CSPG5: variants seen among roughly 807,000 people sequenced by gnomAD.
CSPG5 encodes chondroitin sulfate proteoglycan 5, also known as acidic leucine-rich EGF-like domain-containing brain protein.
In CSPG5, 25 loss-of-function variants were observed where a neutral mutation model predicts 39.8. The ratio of observed to expected loss-of-function variants is 0.63; its 90% CI spans 0.46 to 0.88. The LOEUF (loss-of-function observed/expected upper bound fraction) is 0.88, where lower values mean the gene tolerates loss of function less well. Ranked by LOEUF, CSPG5 falls within the 40% of genes least tolerant of loss-of-function variation. The pLI, the probability that CSPG5 is intolerant of heterozygous loss-of-function variation, is 0.00. For missense variants in CSPG5, 627 were observed against 702.2 expected (o/e 0.89, Z 1.21); for synonymous variants, 295 against 303.9 (o/e 0.97, Z 0.31).
chr3:47,577,847 C>A lies in CSPG5; in HGVS notation c.179G>T (p.Arg60Leu). ...PAWEPPANDT[R>L]EEAGPPAAGE... ...AGCCGCTGGTGGGCCGGCTTCTTCC[C>A]GCGTGTCGTTGGCAGGCGGCTCCCA... The change falls in exon 2 of 5, where the codon CGG (arginine) becomes CTG (leucine). Residue 60 changes from arginine (R) to leucine (L), a missense_variant. Physicochemically the swap from Arg to Leu is moderately radical, Grantham distance 102. Transcript: ENST00000264723. This position sits in a 1 kb window ranked among gnomAD's most constrained non-coding sequence, Gnocchi z 4.7. 1 of 1,548,582 alleles carries A rather than the reference C, an allele frequency of 6.5e-7. No homozygotes were observed. Among genetic ancestry groups the A allele is most frequent in the South Asian group, 1.2e-5 (1 of 84,312 alleles).
In CSPG5 at chr3:47,577,975, G is replaced by A. The variant is rs548931319; in HGVS notation, c.98-47C>T. 20 of 1,370,598 alleles carry A rather than the reference G, an allele frequency of 1.5e-5. No individual in the cohort carries two copies. The highest frequency in any genetic ancestry group is 3.0e-5 in the East Asian group (1 of 33,742). The allele number at this position is 1,370,598 out of a possible 1,614,324, so 84.9% of individuals were successfully genotyped here. A position where few individuals can be genotyped will look rare whatever the true frequency, so the allele number is the denominator to read the frequency against. ...GCGGGACGTCAGGGCGGCGCGCTGA[G>A]GAGCCCTGGAGCCCCGGCCCGCCCC... On this transcript the variant is annotated intron_variant, in intron 1 of 4. Coordinates refer to ENST00000264723, the MANE Select transcript of CSPG5 (RefSeq NM_006574.4). This position sits in a 1 kb window ranked among gnomAD's most constrained non-coding sequence, Gnocchi z 4.7.
intron 3 of CSPG5, among the ~76,000 whole-genome samples, chr3:47,571,900 G>A (rs1288998541): frequency 6.6e-6 from 1 of 152,216 alleles, no homozygotes; most frequent in Non-Finnish European, 1.5e-5. Context: ...AGTAATAGGA[G>A]TAATTTTCTC....
At chr3:47,570,886 C>T (rs1038777796) in intron 3 of CSPG5, among the ~76,000 whole-genome samples, 1 of 152,112 alleles carries the variant, frequency 6.6e-6, no homozygotes, top group Non-Finnish European at 1.5e-5. Context: ...ACAATATGAA[C>T]AGCTAGGAAC....
chr3:47,565,783 A>G (rs1199876210), intron 4 of CSPG5, among the ~76,000 whole-genome samples: 1 of 152,052 alleles, frequency 6.6e-6, no homozygotes, highest in Non-Finnish European at 1.5e-5. Flanking sequence ...AGTTACCCCC[A>G]TGGTCTCGAC....
chr3:47,562,555 C>G lies in CSPG5; in HGVS notation c.*45G>C. 3 of 1,541,748 alleles carry G rather than the reference C, an allele frequency of 1.9e-6. No individual in the cohort carries two copies. Among genetic ancestry groups the G allele is most frequent in the Non-Finnish European group, 1.8e-6 (2 of 1,122,568 alleles). On this transcript the variant is annotated 3_prime_UTR_variant, in exon 5 of 5. Transcript: ENST00000264723. ...ACAAGAGGAGATAATGTTTCTTCCC[C>G]TACCCCCCACCCACTACCCCCGCTT...
intron 2 of CSPG5, among the ~76,000 whole-genome samples, chr3:47,574,425 A>G (rs946730827): frequency 6.6e-6 from 1 of 152,234 alleles, no homozygotes; most frequent in Admixed American, 6.5e-5. Context: ...TCATCACTAT[A>G]GTCCCCCAAA....
intron 3 of CSPG5, among the ~76,000 whole-genome samples, chr3:47,571,907 T>C (rs1002168430): frequency 6.6e-6 from 1 of 152,158 alleles, no homozygotes; most frequent in African/African-American, 2.4e-5. Context: ...GGAGTAATTT[T>C]CTCATAGCGT....
rs922413792 is a variant in CSPG5 at position 47,577,101 on chromosome 3, G to A, written c.925C>T (p.Leu309=). ...GTGGGCTGGCCTGTCCCGGGCCCCA[G>A]ACCAGGCTTCCCAGTGGGCACTAGA... The part of the protein sequence containing the change: ...ELLVPTGKPG[L]GPGTGQPTSR... Residue 309 remains leucine, a synonymous_variant, in exon 2 of 5, where the codon CTG becomes TTG. Coordinates refer to ENST00000264723, the MANE Select transcript of CSPG5 (RefSeq NM_006574.4). This position sits in a 1 kb window ranked among gnomAD's most constrained non-coding sequence, Gnocchi z 4.7. 22 of 1,613,778 alleles carry A rather than the reference G, an allele frequency of 1.4e-5. No homozygotes were observed. The highest frequency in any genetic ancestry group is 1.8e-5 in the Non-Finnish European group (21 of 1,180,050).
chr3:47,578,472 C>T lies in CSPG5; in HGVS notation c.97+125G>A. The T allele has an allele frequency of 3.7e-6, 1 of 267,556 alleles. No homozygotes were observed. The highest frequency in any genetic ancestry group is 1.5e-4 in the South Asian group (1 of 6,744). 16.6% of individuals were successfully genotyped at this position (267,556 alleles called of 1,614,324 possible). On this transcript the variant is annotated intron_variant, in intron 1 of 4. Coordinates refer to ENST00000264723, the MANE Select transcript of CSPG5 (RefSeq NM_006574.4). The surrounding 1 kb of genome is among the most constrained non-coding windows in gnomAD (Gnocchi z 6.0). Reference sequence around the variant, plus strand: ...TCCTGGGACCATTCCGCCGCCCGGCCGCGGCCAGGCGGTGCCCCGCCCCCT... The same window carrying T: ...TCCTGGGACCATTCCGCCGCCCGGCTGCGGCCAGGCGGTGCCCCGCCCCCT...
At position 47,577,622 on chromosome 3, in the gene CSPG5, C is replaced by T. The variant is rs749259513; in HGVS notation, c.404G>A (p.Gly135Glu). 6.2e-7 allele frequency: 1 copy of T among 1,610,800 alleles called. No homozygotes were observed. The highest frequency in any genetic ancestry group is 1.1e-5 in the South Asian group (1 of 90,942). The change falls in exon 2 of 5, where the codon GGG becomes GAG. Residue 135 changes from glycine to glutamate, a missense_variant. Physicochemically the swap from Gly to Glu is moderately conservative, Grantham distance 98. Coordinates refer to ENST00000264723, the MANE Select transcript of CSPG5 (RefSeq NM_006574.4). The surrounding 1 kb of genome is among the most constrained non-coding windows in gnomAD (Gnocchi z 4.7). ...AATGGCAGGGGGCATGATTGACTGC[C>T]CGAGGACCTCGTGGGGAGCCTGGAG... ...ATLQAPHEVLGQSIMPPAIPE... is the reference protein window; with the variant it reads ...ATLQAPHEVLEQSIMPPAIPE...
At position 47,578,579 on chromosome 3, in the gene CSPG5, G is replaced by C. The variant is rs749405651; in HGVS notation, c.97+18C>G. On this transcript the variant is annotated intron_variant, in intron 1 of 4. Transcript: ENST00000264723. This position sits in a 1 kb window ranked among gnomAD's most constrained non-coding sequence, Gnocchi z 6.0. Reference sequence around the variant, plus strand: ...GGGGCACGAGGGCCGCGGGGGTCCCGGGCGCAGTCATACCTACCCGGCACG... The same window carrying C: ...GGGGCACGAGGGCCGCGGGGGTCCCCGGCGCAGTCATACCTACCCGGCACG... 3 of 1,038,978 alleles carry C rather than the reference G, an allele frequency of 2.9e-6. No homozygotes were observed. Among genetic ancestry groups the C allele is most frequent in the East Asian group, 4.0e-5 (1 of 25,290 alleles). The allele number at this position is 1,038,978 out of a possible 1,614,324, so 64.4% of individuals were successfully genotyped here. A position where few individuals can be genotyped will look rare whatever the true frequency, so the allele number is the denominator to read the frequency against.
intron 4 of CSPG5, among the ~76,000 whole-genome samples, chr3:47,563,304 G>A (rs2031161412): frequency 1.3e-5 from 2 of 152,170 alleles, no homozygotes; most frequent in Admixed American, 6.5e-5. Flanking sequence ...GGTCAAAGAT[G>A]TGTCAGCCTC....
chr3:47,564,485 C>T (rs1004980666), intron 4 of CSPG5, among the ~76,000 whole-genome samples: 1 of 152,146 alleles, frequency 6.6e-6, no homozygotes, highest in Non-Finnish European at 1.5e-5. Context: ...AGACTTCACA[C>T]ATGATTTATA....
chr3:47,563,184 G>A (rs1428834906), intron 4 of CSPG5, among the ~76,000 whole-genome samples: 1 of 152,162 alleles, frequency 6.6e-6, no homozygotes, highest in Non-Finnish European at 1.5e-5. Flanking sequence ...CAGGGAACAT[G>A]TCTCATCAGT....
In CSPG5 at chr3:47,572,866, G is replaced by A. The variant is rs371926119; in HGVS notation, c.1202C>T (p.Thr401Met). The stretch of plus-strand genomic sequence containing the variant: ...CCCCTTGTGCCAGATGTAGTCCTGC[G>A]TGTTGCACCTGCAGCAGCGACATTG... ...ENIGAFCRCN[T>M]QDYIWHKGMR... The change falls in exon 3 of 5, where the codon ACG becomes ATG. Residue 401 changes from threonine (T) to methionine (M), a missense_variant. Coordinates refer to ENST00000264723, the MANE Select transcript of CSPG5 (RefSeq NM_006574.4). This position sits in a 1 kb window ranked among gnomAD's most constrained non-coding sequence, Gnocchi z 4.5. 26 of 1,604,744 alleles carry A rather than the reference G, an allele frequency of 1.6e-5. 1 individual carries two copies. The highest frequency in any genetic ancestry group is 2.7e-5 in the African/African-American group (2 of 74,672).
At chr3:47,568,386 T>C (rs1306829588) in intron 4 of CSPG5, among the ~76,000 whole-genome samples, 1 of 152,156 alleles carries the variant, frequency 6.6e-6, no homozygotes, top group African/African-American at 2.4e-5. Context: ...TAGAAAATGG[T>C]CTATTAGGAT....
In CSPG5 at chr3:47,572,899, G is replaced by A. The variant is rs763180760; in HGVS notation, c.1194-25C>T. 1.6e-5 allele frequency: 26 copies of A among 1,595,926 alleles called. No individual in the cohort carries two copies. Among genetic ancestry groups the A allele is most frequent in the African/African-American group, 1.1e-4 (8 of 74,460 alleles). ...CCTGCAGCAGCGACATTGAGAAACC[G>A]TGGCGATGGAGCAGGCAGCCACGGC... On this transcript the variant is annotated intron_variant, in intron 2 of 4. Coordinates refer to ENST00000264723, the MANE Select transcript of CSPG5 (RefSeq NM_006574.4). This position sits in a 1 kb window ranked among gnomAD's most constrained non-coding sequence, Gnocchi z 4.5.
At chr3:47,569,304 G>A in intron 3 of CSPG5, 77 bp from the exon 4 acceptor site, 1 of 1,465,626 alleles carries the variant, frequency 6.8e-7, no homozygotes, top group Non-Finnish European at 9.5e-7. Flanking sequence ...TCAGCTTCTG[G>A]ATCAAATACT....
In CSPG5 at chr3:47,578,089, C is replaced by T. The variant is rs2031844098; in HGVS notation, c.98-161G>A. ...CAGTGTGACCCCAGCCACCCGGTAC[C>T]TCTAAGCCCCGTCCCGGAGTCTGCC... On this transcript the variant is annotated intron_variant, in intron 1 of 4. Transcript: ENST00000264723. This position sits in a 1 kb window ranked among gnomAD's most constrained non-coding sequence, Gnocchi z 6.0. 1 of 1,103,190 alleles carries T rather than the reference C, an allele frequency of 9.1e-7. No individual in the cohort carries two copies. The highest frequency in any genetic ancestry group is 1.2e-6 in the Non-Finnish European group (1 of 858,384). The allele number at this position is 1,103,190 out of a possible 1,614,324, so 68.3% of individuals were successfully genotyped here.
Sources: allele counts gnomAD v4.1 joint callset (sites outside exome capture counted in the v4.1 genomes callset), GRCh38; gene constraint gnomAD v4.1.1; non-coding constraint Gnocchi (gnomAD v3.1); transcripts MANE v1.5; gene names NCBI Gene and HGNC (gene_info 2026-07-23, HGNC 2026-07-21).